Variants in MAP3K14 observed in about 807,000 individuals in gnomAD.
MAP3K14 encodes NF-kappa-beta-inducing kinase.
MAP3K14 carries 16 observed loss-of-function variants against 99.2 expected under a neutral mutation model. That is an observed-to-expected ratio of 0.16 (90% CI 0.11 to 0.24). The LOEUF is 0.24. Among genes scored for constraint, MAP3K14 ranks in the 10% least tolerant of loss-of-function variants. MAP3K14 has a pLI of 1.00. For synonymous variants in MAP3K14, 462 were observed against 492.4 expected, an observed-to-expected ratio of 0.94 and a Z score of 0.82; for missense variants, 784 against 1,208.7, an observed-to-expected ratio of 0.65 and a Z score of 5.21.
At position 45,274,569 on chromosome 17, in the gene MAP3K14, C is replaced by T; in HGVS notation, c.1315G>A (p.Glu439Lys). The T allele has an allele frequency of 6.2e-7, 1 of 1,613,928 alleles. No individual in the cohort carries two copies. Among genetic ancestry groups the T allele is most frequent in the Non-Finnish European group, 8.5e-7 (1 of 1,179,886 alleles). ...KKVRLEVFRA[E>K]ELMACAGLTS... The stretch of plus-strand genomic sequence containing the variant: ...AATCCTGCACATGCCATCAGCTCCT[C>T]TGCCCGAAATACTTCCAGCCGCACC... The change falls in exon 7 of 16, where the codon GAG (glutamate) becomes AAG (lysine). Residue 439 changes from glutamate (E) to lysine (K), a missense_variant. Glu to Lys is a moderately conservative substitution (Grantham distance 56). Transcript: ENST00000344686.
rs897716766 is a variant in MAP3K14 at position 45,263,623 on chromosome 17, A to C, written c.*1013T>G. The C allele has an allele frequency of 2.0e-5, 3 of 152,784 alleles. No individual in the cohort carries two copies. Among genetic ancestry groups the C allele is most frequent in the South Asian group, 2.1e-4 (1 of 4,830 alleles). The allele number at this position is 152,784 out of a possible 1,614,324, so 9.5% of individuals were successfully genotyped here. A position where few individuals can be genotyped will look rare whatever the true frequency, so the allele number is the denominator to read the frequency against. Reference sequence around the variant, plus strand: ...AGTGCTTTGAGGTCATCAGAGTGCAAAGTGCCGTCGGCAGTACCCTCTGGC... The same window carrying C: ...AGTGCTTTGAGGTCATCAGAGTGCACAGTGCCGTCGGCAGTACCCTCTGGC... On this transcript the variant is annotated 3_prime_UTR_variant, in exon 16 of 16. Transcript: ENST00000344686.
chr17:45,273,652 C>A, intron 8 of MAP3K14, 45 bp from the exon 9 acceptor site: 1 of 1,483,190 alleles, frequency 6.7e-7, no homozygotes, highest in South Asian at 1.2e-5. Context: ...TGAGTCATGC[C>A]GGGTCCCAGC....
chr17:45,304,385 A>G (rs2044415792), intron 1 of MAP3K14, among the ~76,000 whole-genome samples: 2 of 152,196 alleles, frequency 1.3e-5, no homozygotes, highest in Admixed American at 6.5e-5. Context: ...CTTTGTTTCC[A>G]ATTTTTCACT....
At chr17:45,303,233 C>A (rs988606689) in intron 1 of MAP3K14, among the ~76,000 whole-genome samples, 3 of 152,212 alleles carry the variant, frequency 2.0e-5, no homozygotes, top group African/African-American at 7.2e-5. Context: ...GCCTCTCCTG[C>A]CTTTCTTATA....
chr17:45,265,789 A>G (rs2044075416), intron 14 of MAP3K14, among the ~76,000 whole-genome samples: 1 of 152,212 alleles, frequency 6.6e-6, no homozygotes, highest in Non-Finnish European at 1.5e-5. Context: ...AACAGCCCTC[A>G]TATTATATAC....
At chr17:45,283,708 T>C (rs1055566893) in intron 6 of MAP3K14, among the ~76,000 whole-genome samples, 2 of 152,218 alleles carry the variant, frequency 1.3e-5, no homozygotes, top group Admixed American at 1.3e-4. Context: ...GGTTTTCAGA[T>C]TGCGGATGCT....
chr17:45,300,824 T>C (rs2044381808), intron 1 of MAP3K14, among the ~76,000 whole-genome samples: 1 of 151,064 alleles, frequency 6.6e-6, no homozygotes, highest in Non-Finnish European at 1.5e-5. Flanking sequence ...CTCACAGAAT[T>C]GCAATCTAAG....
rs748824265 is a variant in MAP3K14 at position 45,286,651 on chromosome 17, T to C, written c.932A>G (p.Lys311Arg). Reference protein sequence around the residue: ...LSKLACVDSPKPLPGPHLEPS... With the variant: ...LSKLACVDSPRPLPGPHLEPS... Reference sequence around the variant, plus strand: ...CTCCAGGTGTGGGCCAGGCAGGGGCTTTGGACTGTCTACACAGGCCAGTTT... The same window carrying C: ...CTCCAGGTGTGGGCCAGGCAGGGGCCTTGGACTGTCTACACAGGCCAGTTT... The change falls in exon 5 of 16, where the codon AAG (lysine) becomes AGG (arginine). Residue 311 changes from lysine (K) to arginine (R), a missense_variant. Lys to Arg is a conservative substitution (Grantham distance 26, BLOSUM62 2). This residue lies in a region of MAP3K14 where 138 missense variants were observed against 164.1 expected (regional missense o/e 0.84). Transcript: ENST00000344686. This position sits in a 1 kb window ranked among gnomAD's most constrained non-coding sequence, Gnocchi z 4.1. 1 of 1,610,390 alleles carries C rather than the reference T, an allele frequency of 6.2e-7. No individual in the cohort carries two copies. The highest frequency in any genetic ancestry group is 8.5e-7 in the Non-Finnish European group (1 of 1,178,534).
At position 45,274,662 on chromosome 17, in the gene MAP3K14, C is replaced by T; in HGVS notation, c.1291-69G>A. ...CAGAGCTGGGTCCCTGGCATCCTGT[C>T]AGCACCCTAGTGCTCCACACACAGA... is the stretch of plus-strand genomic sequence containing the variant. On this transcript the variant is annotated intron_variant, in intron 6 of 15. Coordinates refer to ENST00000344686, the MANE Select transcript of MAP3K14 (RefSeq NM_003954.5). 2.6e-6 allele frequency: 4 copies of T among 1,565,824 alleles called. No individual in the cohort carries two copies. The South Asian group carries it at 3.6e-5, about 14-fold the overall frequency.
At position 45,286,631 on chromosome 17, in the gene MAP3K14, G is replaced by A. The variant is rs1347829400; in HGVS notation, c.952C>T (p.Leu318=). 6.2e-7 allele frequency: 1 copy of A among 1,610,960 alleles called. No homozygotes were observed. The highest frequency in any genetic ancestry group is 2.2e-5 in the East Asian group (1 of 44,852). Residue 318 remains leucine (L), a synonymous_variant, in exon 5 of 16, where the codon CTG becomes TTG. Coordinates refer to ENST00000344686, the MANE Select transcript of MAP3K14 (RefSeq NM_003954.5). This position sits in a 1 kb window ranked among gnomAD's most constrained non-coding sequence, Gnocchi z 4.1. ...CCACGAGACAGGCAGCTGGGCTCCA[G>A]GTGTGGGCCAGGCAGGGGCTTTGGA... ...DSPKPLPGPH[L]EPSCLSRGAH...
intron 6 of MAP3K14, among the ~76,000 whole-genome samples, chr17:45,282,530 G>C (rs1335728571): frequency 6.8e-6 from 1 of 146,794 alleles, no homozygotes; most frequent in Non-Finnish European, 1.5e-5. Context: ...ATACTAGCCT[G>C]GACAACAGAG....
rs879475374 is a variant in MAP3K14, at chr17:45,279,439, C to CTT, written c.1291-4848_1291-4847dup. On this transcript the variant is annotated intron_variant, in intron 6 of 15. Transcript: ENST00000344686. ...ACCACACCCAGCCTTCTTTGGTATT[C>CTT]TTTTTTTTTTTGAGACGGAGTCTCA... 7.0e-4 allele frequency among the ~76,000 whole-genome samples: 95 copies of CTT among 136,316 alleles called. 1 individual carries two copies. The highest frequency in any genetic ancestry group is 2.4e-3 in the African/African-American group (87 of 36,620). 89.4% of individuals were successfully genotyped at this position (136,316 alleles called of 152,430 possible).
At position 45,266,678 on chromosome 17, in the gene MAP3K14, G is replaced by A. The variant is rs778135122; in HGVS notation, c.2437C>T (p.Pro813Ser). The change falls in exon 14 of 16, where the codon CCA becomes TCA. Residue 813 changes from proline to serine, a missense_variant. Physicochemically the swap from Pro to Ser is moderately conservative, Grantham distance 74 (BLOSUM62 -1). Coordinates refer to ENST00000344686, the MANE Select transcript of MAP3K14 (RefSeq NM_003954.5). ...CGCGAGCTTTGAGAGGCCTTTGATG[G>A]GTTCTGAAACAACAGGATTGGGTAC... The part of the protein sequence containing the change: ...LSLSDDSEKN[P>S]SKASQSSRDT... 4 of 1,607,988 alleles carry A rather than the reference G, an allele frequency of 2.5e-6. No individual in the cohort carries two copies. In the East Asian group the frequency reaches 6.7e-5, roughly 27 times the overall value.
At chr17:45,304,010 CTT>C (rs1026894731) in intron 1 of MAP3K14, among the ~76,000 whole-genome samples, 11 of 127,720 alleles carry the variant, frequency 8.6e-5, no homozygotes, top group Non-Finnish European at 8.3e-5. Flanking sequence ...CTTTTCTTTT[CTT>C]TTTTTTTTTT....
chr17:45,270,706 A>G (rs2143783264), intron 10 of MAP3K14, 143 bp from the exon 11 acceptor site: 1 of 1,205,544 alleles, frequency 8.3e-7, no homozygotes, highest in East Asian at 2.6e-5. Context: ...TCTGGGCTAC[A>G]GTGAGGGCAC....
At chr17:45,273,046 C>T (rs1468336060) in intron 9 of MAP3K14, among the ~76,000 whole-genome samples, 1 of 152,224 alleles carries the variant, frequency 6.6e-6, no homozygotes, top group Non-Finnish European at 1.5e-5. Context: ...TCACAGTGGG[C>T]ATGGATTATT....
intron 2 of MAP3K14, among the ~76,000 whole-genome samples, chr17:45,289,907 C>T (rs917714735): frequency 6.6e-6 from 1 of 152,218 alleles, no homozygotes; most frequent in Non-Finnish European, 1.5e-5. Context: ...ACTCCCGGCC[C>T]TACCCAGGCC....
In MAP3K14 at chr17:45,274,225, G is replaced by C; in HGVS notation, c.1450C>G (p.Gln484Glu). The C allele has an allele frequency of 2.5e-6, 4 of 1,599,320 alleles. No individual in the cohort carries two copies. Among genetic ancestry groups the C allele is most frequent in the Non-Finnish European group, 3.4e-6 (4 of 1,172,986 alleles). ...GCCCGGTCCTCTGGGAGACAGCCCT[G>C]CTCCTTGACCAGCTGGCCCAGGGAG... ...GGSLGQLVKE[Q>E]GCLPEDRALY... Residue 484 changes from glutamine (Q) to glutamate (E), a missense_variant, in exon 8 of 16, where the codon CAG (glutamine) becomes GAG (glutamate). Gln to Glu is a conservative substitution (Grantham distance 29). Coordinates refer to ENST00000344686, the MANE Select transcript of MAP3K14 (RefSeq NM_003954.5).
intron 6 of MAP3K14, among the ~76,000 whole-genome samples, chr17:45,281,440 G>A (rs1250497169): frequency 6.6e-6 from 1 of 151,062 alleles, no homozygotes; most frequent in African/African-American, 2.4e-5. Flanking sequence ...TGCCTCCTGG[G>A]TTCAAGCAAT....
Sources: allele counts gnomAD v4.1 joint callset (sites outside exome capture counted in the v4.1 genomes callset), GRCh38; gene constraint gnomAD v4.1.1; regional missense constraint gnomAD v4.1.1; non-coding constraint Gnocchi (gnomAD v3.1); transcripts MANE v1.5; gene names NCBI Gene and HGNC (gene_info 2026-07-23, HGNC 2026-07-21).